The following KYAT1 variants were observed in gnomAD, a reference collection of about 807,000 sequenced individuals.
The protein encoded by KYAT1 is kynurenine--oxoglutarate transaminase 1.
A neutral mutation model predicts 52.4 loss-of-function variants in KYAT1; 47 were observed. The observed-to-expected ratio is 0.90, with a 90% confidence interval of 0.71 to 1.14. KYAT1 has a LOEUF of 1.14. Ranked by LOEUF, KYAT1 falls within the 50% of genes most tolerant of loss-of-function variation. The probability of loss-of-function intolerance (pLI) is 0.00; values close to 1 mark genes in which losing one functional copy is unlikely to be tolerated. For missense variants in KYAT1, 480 were observed against 557.9 expected (o/e 0.86, Z 1.41); for synonymous variants, 212 against 209.6 (o/e 1.01, Z -0.10).
chr9:128,872,193 C>T (rs180984048), intron 1 of KYAT1, among the ~76,000 whole-genome samples: 3 of 151,496 alleles, frequency 2.0e-5, no homozygotes, highest in Admixed American at 2.0e-4. Flanking sequence ...ACCTGTAATC[C>T]CAGCACTTTG....
chr9:128,845,132 A>G (rs1486570475), intron 2 of KYAT1, among the ~76,000 whole-genome samples: 4 of 152,136 alleles, frequency 2.6e-5, no homozygotes, highest in Non-Finnish European at 4.4e-5. Context: ...TGAGGCTCAG[A>G]GCAGGTATGT....
At chr9:128,851,803 A>C (rs2805099) in intron 1 of KYAT1, among the ~76,000 whole-genome samples, 88,336 of 152,146 alleles carry the variant, frequency 0.58, 28,991 homozygotes, top group Non-Finnish European at 0.71. Flanking sequence ...CAGTCAACGC[A>C]AAGTGTTGAC....
At chr9:128,846,961 C>T in intron 1 of KYAT1, 4 of 1,046,794 alleles carry the variant, frequency 3.8e-6, no homozygotes, top group Non-Finnish European at 2.7e-6. Context: ...CTCCATCTAA[C>T]AGATGAGGAC....
chr9:128,872,699 G>A (rs1390072684), intron 1 of KYAT1, among the ~76,000 whole-genome samples: 4 of 150,998 alleles, frequency 2.6e-5, no homozygotes, highest in African/African-American at 9.8e-5. Flanking sequence ...CTCGGGAGGC[G>A]GAGGTTGCAG....
chr9:128,839,119 A>G (rs1331601766), intron 3 of KYAT1, among the ~76,000 whole-genome samples: 6 of 151,942 alleles, frequency 3.9e-5, no homozygotes, highest in Admixed American at 2.0e-4. Flanking sequence ...ACGCACCACC[A>G]TGCCTGGTTA....
chr9:128,863,801 C>G (rs1055373970), intron 1 of KYAT1, among the ~76,000 whole-genome samples: 1 of 152,182 alleles, frequency 6.6e-6, no homozygotes, highest in African/African-American at 2.4e-5. Flanking sequence ...GCCCAGGTCA[C>G]AGAGCAACCT....
chr9:128,836,018 G>T lies in KYAT1; in HGVS notation c.744C>A (p.Thr248=). ...TCACCTTCCAGCCAGTGGCGCTGAA[G>T]GTCTTGCCGGCGCTGCCGATGGTCA... ...RTLTIGSAGK[T]FSATGWKVGW... Residue 248 remains threonine (T), a synonymous_variant, in exon 8 of 13, where the codon ACC becomes ACA. Coordinates refer to ENST00000302586, the MANE Select transcript of KYAT1 (RefSeq NM_004059.5). 1 of 1,613,892 alleles carries T rather than the reference G, an allele frequency of 6.2e-7. No homozygotes were observed. The highest frequency in any genetic ancestry group is 1.1e-5 in the South Asian group (1 of 91,072).
At position 128,835,188 on chromosome 9, in the gene KYAT1, T is replaced by C. The variant is rs1830815470; in HGVS notation, c.1122+135A>G. ...GAAACAGCCTCCTCATTCTCTGAAGTGGATACAACCCTGCCCCAAGGTTGA... is the reference window on the plus strand; with the variant it reads ...GAAACAGCCTCCTCATTCTCTGAAGCGGATACAACCCTGCCCCAAGGTTGA... On this transcript the variant is annotated intron_variant, in intron 11 of 12. Transcript: ENST00000302586. 8.0e-6 allele frequency: 6 copies of C among 746,356 alleles called. No homozygotes were observed. The South Asian group carries it at 8.7e-5, about 11-fold the overall frequency. 46.2% of individuals were successfully genotyped at this position (746,356 alleles called of 1,614,324 possible).
chr9:128,836,003 G>GGTT lies in KYAT1; in HGVS notation c.758_759insAAC (p.Gly253_Trp254insThr), dbSNP rs1361047051. The GGTT allele has an allele frequency of 6.2e-7, 1 of 1,612,960 alleles. No individual in the cohort carries two copies. The highest frequency in any genetic ancestry group is 1.1e-5 in the South Asian group (1 of 91,050). ...CCCACCCTCAGCAACTCACCTTCCA[G>GGTT]CCAGTGGCGCTGAAGGTCTTGCCGG... On this transcript the variant is annotated inframe_insertion, in exon 8 of 13. Transcript: ENST00000302586.
intron 1 of KYAT1, among the ~76,000 whole-genome samples, chr9:128,874,179 C>T (rs1166714243): frequency 6.6e-6 from 1 of 151,620 alleles, no homozygotes; most frequent in Non-Finnish European, 1.5e-5. Flanking sequence ...TCGCTTGAAC[C>T]CAGGAGGCAG....
At chr9:128,877,359 C>A (rs1325225830) in intron 1 of KYAT1, among the ~76,000 whole-genome samples, 1 of 152,200 alleles carries the variant, frequency 6.6e-6, no homozygotes, top group Non-Finnish European at 1.5e-5. Context: ...CAGAAAGCAC[C>A]TACCTGTGCC....
intron 1 of KYAT1, among the ~76,000 whole-genome samples, chr9:128,854,645 A>G (rs1445552834): frequency 1.3e-5 from 2 of 152,256 alleles, no homozygotes; most frequent in Admixed American, 1.3e-4. Flanking sequence ...GATTGTATCA[A>G]TGGTGGTAAG....
At chr9:128,857,310 G>A (rs998807391) in intron 1 of KYAT1, among the ~76,000 whole-genome samples, 3 of 152,196 alleles carry the variant, frequency 2.0e-5, no homozygotes, top group Non-Finnish European at 4.4e-5. Context: ...AGAAACCGAT[G>A]CTGGTGCAGG....
At chr9:128,847,397 A>T in intron 1 of KYAT1, 1 of 1,395,164 alleles carries the variant, frequency 7.2e-7, no homozygotes. Flanking sequence ...GCCCCAGGCC[A>T]TGCAGGTGGC....
At chr9:128,836,766 T>C (rs770781313) in intron 7 of KYAT1, 36 bp downstream of exon 7, 3 of 1,604,620 alleles carry the variant, frequency 1.9e-6, no homozygotes, top group Non-Finnish European at 2.6e-6. Context: ...CTCCCACCAA[T>C]GTGCAGGGGA....
intron 1 of KYAT1, among the ~76,000 whole-genome samples, chr9:128,866,722 C>T (rs1836435539): frequency 6.6e-6 from 1 of 151,960 alleles, no homozygotes; most frequent in East Asian, 1.9e-4. Flanking sequence ...CCAGCCTGGC[C>T]AACATGGTGA....
chr9:128,858,660 A>G (rs1835020290), intron 1 of KYAT1, among the ~76,000 whole-genome samples: 1 of 152,042 alleles, frequency 6.6e-6, no homozygotes, highest in Non-Finnish European at 1.5e-5. Flanking sequence ...GCACCATTGC[A>G]CTCCAGCCTG....
chr9:128,834,963 C>T (rs868624268), intron 11 of KYAT1, among the ~76,000 whole-genome samples: 4 of 151,646 alleles, frequency 2.6e-5, no homozygotes, highest in Non-Finnish European at 4.4e-5. Context: ...GGTGAAACCC[C>T]GTCTCTACCA....
chr9:128,846,711 G>T (rs1436059393), intron 1 of KYAT1: 1 of 1,533,668 alleles, frequency 6.5e-7, no homozygotes, highest in East Asian at 2.4e-5. Flanking sequence ...AGGTAATTTG[G>T]CTCCTCCTGT....
Sources: gnomAD v4.1 joint callset for allele counts (sites outside exome capture counted in the v4.1 genomes callset) on GRCh38, gnomAD v4.1.1 for gene constraint, MANE v1.5 for transcripts, NCBI Gene and HGNC (gene_info 2026-07-23, HGNC 2026-07-21) for gene names.